UBTD2: variants seen among roughly 807,000 people sequenced by gnomAD.
The protein encoded by UBTD2 is ubiquitin domain-containing protein 2.
Under a neutral mutation model 19.8 loss-of-function variants are expected in UBTD2, and 9 were observed. The ratio of observed to expected loss-of-function variants is 0.46; its 90% CI spans 0.27 to 0.79. The LOEUF (loss-of-function observed/expected upper bound fraction) is 0.79, where lower values mean the gene tolerates loss of function less well. Among genes scored for constraint, UBTD2 ranks in the 30% least tolerant of loss-of-function variants. UBTD2 has a pLI of 0.14. For synonymous variants in UBTD2, 98 were observed against 103.9 expected (o/e 0.94, Z 0.35); for missense variants, 250 against 300.4 (o/e 0.83, Z 1.24).
At chr5:172,279,550 A>C (rs1301519631) in intron 1 of UBTD2, among the ~76,000 whole-genome samples, 1 of 152,232 alleles carries the variant, frequency 6.6e-6, no homozygotes, top group African/African-American at 2.4e-5. Context: ...TGTGACCACC[A>C]CGGTCAGTTC....
At chr5:172,220,803 TA>T (rs897058799) in intron 2 of UBTD2, among the ~76,000 whole-genome samples, 78 of 152,274 alleles carry the variant, frequency 5.1e-4, no homozygotes, top group African/African-American at 1.7e-3. Context: ...AGAAAAGGTA[TA>T]CAGATTGGAA....
At chr5:172,224,048 GAA>G (rs1483627657) in intron 2 of UBTD2, among the ~76,000 whole-genome samples, 1 of 152,306 alleles carries the variant, frequency 6.6e-6, no homozygotes, top group East Asian at 1.9e-4. Flanking sequence ...GTGACTGAGA[GAA>G]GTTTCAGTGG....
At chr5:172,241,225 C>T (rs911120322) in intron 1 of UBTD2, among the ~76,000 whole-genome samples, 6 of 151,786 alleles carry the variant, frequency 4.0e-5, no homozygotes, top group African/African-American at 9.7e-5. Context: ...ACAAGCCTGG[C>T]CAACGTGGCA....
intron 2 of UBTD2, among the ~76,000 whole-genome samples, chr5:172,220,642 A>G (rs989481265): frequency 6.6e-6 from 1 of 151,958 alleles, no homozygotes; most frequent in Non-Finnish European, 1.5e-5. Context: ...AAAAAAACCA[A>G]AAAAAAACCT....
chr5:172,277,406 A>G (rs1323939603), intron 1 of UBTD2, among the ~76,000 whole-genome samples: 1 of 152,176 alleles, frequency 6.6e-6, no homozygotes, highest in Non-Finnish European at 1.5e-5. Context: ...ATCGGACATC[A>G]TTAAAATTAC....
chr5:172,251,246 G>C (rs928724145), intron 1 of UBTD2, among the ~76,000 whole-genome samples: 2 of 145,350 alleles, frequency 1.4e-5, no homozygotes, highest in Non-Finnish European at 3.0e-5. Context: ...CTGAACCCAG[G>C]AGGCCAGGCT....
At chr5:172,276,798 C>T (rs916005929) in intron 1 of UBTD2, among the ~76,000 whole-genome samples, 1 of 151,980 alleles carries the variant, frequency 6.6e-6, no homozygotes, top group Non-Finnish European at 1.5e-5. Context: ...TGGCCAGGCA[C>T]AGTGGCTCAC....
intron 1 of UBTD2, among the ~76,000 whole-genome samples, chr5:172,275,566 T>A (rs1401535872): frequency 6.6e-6 from 1 of 152,184 alleles, no homozygotes; most frequent in Non-Finnish European, 1.5e-5. Flanking sequence ...AGAGGTGATT[T>A]TCTTATTGCT....
At chr5:172,250,086 G>C (rs1177276752) in intron 1 of UBTD2, among the ~76,000 whole-genome samples, 1 of 152,060 alleles carries the variant, frequency 6.6e-6, no homozygotes, top group Non-Finnish European at 1.5e-5. Flanking sequence ...AGCTGGGCGT[G>C]GTGGTGGGTG....
At chr5:172,217,534 A>G (rs370027906) in intron 2 of UBTD2, among the ~76,000 whole-genome samples, 285 of 152,182 alleles carry the variant, frequency 1.9e-3, no homozygotes, top group South Asian at 6.4e-3. Context: ...CCTAGACTAT[A>G]ATACACTGGT....
chr5:172,235,986 G>C (rs192812867), intron 1 of UBTD2, among the ~76,000 whole-genome samples: 116 of 152,252 alleles, frequency 7.6e-4, no homozygotes, highest in African/African-American at 2.7e-3. Flanking sequence ...CTCTCAAACT[G>C]GTTCTAAAGC....
intron 1 of UBTD2, among the ~76,000 whole-genome samples, chr5:172,275,734 A>T (rs765899217): frequency 2.6e-5 from 4 of 152,178 alleles, no homozygotes; most frequent in Admixed American, 6.6e-5. Flanking sequence ...TTCCCTATCT[A>T]AATTTCCGTA....
chr5:172,233,183 A>T (rs1057463093), intron 2 of UBTD2, among the ~76,000 whole-genome samples: 1 of 152,198 alleles, frequency 6.6e-6, no homozygotes, highest in Non-Finnish European at 1.5e-5. Flanking sequence ...GAAAGGACAT[A>T]AAGCAGATGG....
chr5:172,225,099 TC>T (rs963172041), intron 2 of UBTD2, among the ~76,000 whole-genome samples: 20 of 152,010 alleles, frequency 1.3e-4, no homozygotes, highest in African/African-American at 4.6e-4. Context: ...TTTTTTTTCT[TC>T]TCACAAACCT....
At chr5:172,228,406 G>A (rs976439112) in intron 2 of UBTD2, among the ~76,000 whole-genome samples, 1 of 152,110 alleles carries the variant, frequency 6.6e-6, no homozygotes, top group Non-Finnish European at 1.5e-5. Flanking sequence ...GATTATTACA[G>A]GCATAAGAAT....
intron 2 of UBTD2, among the ~76,000 whole-genome samples, chr5:172,229,516 A>G (rs1294309942): frequency 2.6e-5 from 4 of 151,116 alleles, no homozygotes; most frequent in African/African-American, 7.3e-5. Flanking sequence ...AAAAAAAAAA[A>G]AAAAAAAAAG....
At chr5:172,258,210 T>C (rs1755198329) in intron 1 of UBTD2, among the ~76,000 whole-genome samples, 1 of 152,244 alleles carries the variant, frequency 6.6e-6, no homozygotes, top group African/African-American at 2.4e-5. Context: ...TTCAATATTC[T>C]GCATATGGCT....
intron 1 of UBTD2, among the ~76,000 whole-genome samples, chr5:172,235,526 A>G (rs1457207919): frequency 6.6e-6 from 1 of 150,540 alleles, no homozygotes; most frequent in African/African-American, 2.4e-5. Context: ...AGGCCAAGGG[A>G]TTAGCTCCGA....
rs1197052048 is a variant in UBTD2, at chr5:172,283,507, G to A, written c.70+89C>T. On this transcript the variant is annotated intron_variant, in intron 1 of 2. Coordinates refer to ENST00000393792, the MANE Select transcript of UBTD2 (RefSeq NM_152277.3). The surrounding 1 kb of genome is among the most constrained non-coding windows in gnomAD (Gnocchi z 4.3). ...GAGGGGATGACAAAGGGGCGCGGGG[G>A]CCCGGCGCGGCCCGCGGGGGTCGGG... 9.8e-7 allele frequency: 1 copy of A among 1,020,532 alleles called. No individual in the cohort carries two copies. The highest frequency in any genetic ancestry group is 1.7e-5 in the African/African-American group (1 of 59,436). 63.2% of individuals were successfully genotyped at this position (1,020,532 alleles called of 1,614,324 possible). A position where few individuals can be genotyped will look rare whatever the true frequency, so the allele number is the denominator to read the frequency against.
Sources: allele counts gnomAD v4.1 joint callset (sites outside exome capture counted in the v4.1 genomes callset), GRCh38; gene constraint gnomAD v4.1.1; non-coding constraint Gnocchi (gnomAD v3.1); transcripts MANE v1.5; gene names NCBI Gene and HGNC (gene_info 2026-07-23, HGNC 2026-07-21).